WNK1: variants seen among roughly 807,000 people sequenced by gnomAD.
The protein encoded by WNK1 is serine/threonine-protein kinase WNK1.
Under a neutral mutation model 222.8 loss-of-function variants are expected in WNK1, and 38 were observed. That is an observed-to-expected ratio of 0.17 (90% CI 0.13 to 0.22). The LOEUF (loss-of-function observed/expected upper bound fraction) is 0.22. WNK1 is among the 10% of genes least tolerant of loss of function. The pLI is 1.00. For synonymous variants in WNK1, 1,090 were observed against 1,092.9 expected (o/e 1.00, Z 0.05); for missense variants, 2,348 against 2,918.4 (o/e 0.80, Z 4.50).
Position 886,091 on chromosome 12 carries a change from T to C in WNK1, c.5280+7T>C. The C allele has an allele frequency of 6.2e-7, 1 of 1,602,632 alleles. No individual in the cohort carries two copies. The highest frequency in any genetic ancestry group is 2.2e-5 in the East Asian group (1 of 44,742). On this transcript the variant is annotated splice_region_variant and intron_variant, in intron 19 of 27. Coordinates refer to ENST00000315939, the MANE Select transcript of WNK1 (RefSeq NM_018979.4). ...ACCTCTAACTAAGGCTCCGGTAAAA[T>C]TATTGTTATAAAATAATTAGATAAA...
At position 889,224 on chromosome 12, in the gene WNK1, G is replaced by GT. The variant is rs774783305; in HGVS notation, c.5448+2dup. 31 of 1,613,362 alleles carry GT rather than the reference G, an allele frequency of 1.9e-5. No homozygotes were observed. The highest frequency in any genetic ancestry group is 7.6e-6 in the Non-Finnish European group (9 of 1,179,466). On this transcript the variant is annotated splice_donor_variant, in intron 21 of 27. Coordinates refer to ENST00000315939, the MANE Select transcript of WNK1 (RefSeq NM_018979.4). LOFTEE classifies it high-confidence loss of function. ...GATCACAGTGACTTCTGCGGTTGGT[G>GT]TAAGTTTTGAAAATCTTGATAAAAT...
intron 9 of WNK1, among the ~76,000 whole-genome samples, chr12:875,949 G>T (rs903022978): frequency 1.3e-5 from 2 of 152,048 alleles, no homozygotes; most frequent in South Asian, 2.1e-4. Flanking sequence ...AATAAAAAAG[G>T]TTTTCTGGTT....
chr12:857,959 C>T (rs765890), intron 5 of WNK1, among the ~76,000 whole-genome samples: 1 of 152,212 alleles, frequency 6.6e-6, no homozygotes, highest in African/African-American at 2.4e-5. Context: ...TGAGCATAAT[C>T]TACCACTTGA....
chr12:798,787 A>T (rs1945588631), intron 1 of WNK1, among the ~76,000 whole-genome samples: 1 of 151,864 alleles, frequency 6.6e-6, no homozygotes, highest in Admixed American at 6.6e-5. Flanking sequence ...TTTGTTTAGG[A>T]TTCTGTTTAT....
rs778269387 is a variant in WNK1, at chr12:884,252, T to C, written c.3844+9T>C. On this transcript the variant is annotated intron_variant, in intron 18 of 27. Transcript: ENST00000315939. The surrounding 1 kb of genome is among the most constrained non-coding windows in gnomAD (Gnocchi z 5.6). ...TGAAATAACAGATACAGGTAAGGGA[T>C]TGATTCTGCCACATTGTTATGTAAA... The C allele has an allele frequency of 1.2e-6, 2 of 1,613,890 alleles. No homozygotes were observed. The highest frequency in any genetic ancestry group is 2.7e-5 in the African/African-American group (2 of 74,926).
At chr12:772,796 A>G (rs1473776540) in intron 1 of WNK1, among the ~76,000 whole-genome samples, 1 of 152,138 alleles carries the variant, frequency 6.6e-6, no homozygotes, top group Non-Finnish European at 1.5e-5. Flanking sequence ...ACAAAGCTAA[A>G]TTATTTTTTT....
chr12:864,435 T>C (rs909613327), intron 8 of WNK1, among the ~76,000 whole-genome samples: 1 of 152,180 alleles, frequency 6.6e-6, no homozygotes, highest in Non-Finnish European at 1.5e-5. Flanking sequence ...GAGATTCAGA[T>C]TGAAGATATT....
intron 2 of WNK1, among the ~76,000 whole-genome samples, chr12:826,346 A>C (rs1344820143): frequency 1.3e-5 from 2 of 152,208 alleles, no homozygotes; most frequent in Admixed American, 1.3e-4. Flanking sequence ...AAGGTCTGTT[A>C]GACAGCACTG....
chr12:780,321 T>C (rs773512768), intron 1 of WNK1, among the ~76,000 whole-genome samples: 7 of 152,206 alleles, frequency 4.6e-5, no homozygotes, highest in South Asian at 2.1e-4. Context: ...AATAGTGAGA[T>C]ACACTGATCA....
intron 4 of WNK1, among the ~76,000 whole-genome samples, chr12:840,847 A>G (rs1949575132): frequency 2.0e-5 from 3 of 152,376 alleles, no homozygotes; most frequent in African/African-American, 4.8e-5. Context: ...ACAAGTAGCT[A>G]CTTAACAGGT....
chr12:872,270 C>T (rs149945141), intron 9 of WNK1, among the ~76,000 whole-genome samples: 2,904 of 152,238 alleles, frequency 0.019, 105 homozygotes, highest in Admixed American at 0.096. Flanking sequence ...GGACTACAGG[C>T]GCGTGCCACT....
chr12:860,755 A>G (rs1339926297), intron 6 of WNK1, among the ~76,000 whole-genome samples: 2 of 152,196 alleles, frequency 1.3e-5, no homozygotes. Context: ...GTTGTTTGTT[A>G]TAAGGAGTGA....
intron 4 of WNK1, among the ~76,000 whole-genome samples, chr12:832,390 G>A (rs1203855621): frequency 6.6e-6 from 1 of 152,124 alleles, no homozygotes; most frequent in Non-Finnish European, 1.5e-5. Context: ...AAACTGATAG[G>A]AAACATTTTG....
At chr12:907,787 C>A in intron 26 of WNK1, 60 bp from the exon 27 acceptor site, 1 of 1,600,438 alleles carries the variant, frequency 6.2e-7, no homozygotes, top group South Asian at 1.1e-5. Context: ...GAAGTTTTCC[C>A]TCTTCCTGAA....
chr12:765,007 G>A (rs1037842483), intron 1 of WNK1, among the ~76,000 whole-genome samples: 2 of 147,622 alleles, frequency 1.4e-5, no homozygotes, highest in Non-Finnish European at 3.0e-5. Context: ...AGCTAATTTT[G>A]TATTTTTAGT....
chr12:908,456 G>A lies in WNK1; in HGVS notation c.6832-19G>A, dbSNP rs368096294. 3.4e-5 allele frequency: 55 copies of A among 1,613,900 alleles called. No homozygotes were observed. The highest frequency in any genetic ancestry group is 4.5e-5 in the Non-Finnish European group (53 of 1,179,908). On this transcript the variant is annotated intron_variant, in intron 27 of 27. Coordinates refer to ENST00000315939, the MANE Select transcript of WNK1 (RefSeq NM_018979.4). ...CCATGGCCCACACCAGACTTGACAC[G>A]TGGTGGTTTTGTTTTCAGGGCCCTG...
At chr12:757,390 A>G (rs1197612892) in intron 1 of WNK1, among the ~76,000 whole-genome samples, 1 of 141,434 alleles carries the variant, frequency 7.1e-6, no homozygotes, top group East Asian at 2.2e-4. Flanking sequence ...CAGTGGCGCA[A>G]TCTGAGCTCA....
chr12:878,800 G>C (rs1412000151), intron 10 of WNK1, among the ~76,000 whole-genome samples: 1 of 119,462 alleles, frequency 8.4e-6, no homozygotes, highest in African/African-American at 2.6e-5. Flanking sequence ...TTTTTCTTAA[G>C]TAGTCCTCCT....
chr12:836,131 T>G (rs1318014536), intron 4 of WNK1, among the ~76,000 whole-genome samples: 1 of 152,112 alleles, frequency 6.6e-6, no homozygotes, highest in Non-Finnish European at 1.5e-5. Flanking sequence ...TATTAAAACA[T>G]GTAATGAAGT....
Sources: gnomAD v4.1 joint callset for allele counts (sites outside exome capture counted in the v4.1 genomes callset) on GRCh38, gnomAD v4.1.1 for gene constraint, Gnocchi (gnomAD v3.1) non-coding constraint, MANE v1.5 for transcripts, NCBI Gene and HGNC (gene_info 2026-07-23, HGNC 2026-07-21) for gene names.